PLSCR4: variants seen among roughly 807,000 people sequenced by gnomAD.
The protein encoded by PLSCR4 is Ca(2+)-dependent phospholipid scramblase 4.
Under a neutral mutation model 36.3 loss-of-function variants are expected in PLSCR4, and 25 were observed. That is an observed-to-expected ratio of 0.69 (90% CI 0.50 to 0.96). The LOEUF is 0.96. Among genes scored for constraint, PLSCR4 ranks in the 40% least tolerant of loss-of-function variants. The pLI is 0.00. For missense variants in PLSCR4, 408 were observed against 414.7 expected, an observed-to-expected ratio of 0.98 and a Z score of 0.14; for synonymous variants, 122 against 132.9, an observed-to-expected ratio of 0.92 and a Z score of 0.56.
intron 1 of PLSCR4, among the ~76,000 whole-genome samples, chr3:146,224,365 G>A (rs2035335777): frequency 6.6e-6 from 1 of 152,194 alleles, no homozygotes; most frequent in Admixed American, 6.5e-5. Context: ...AATCACTGGA[G>A]AATACATGTA....
At chr3:146,212,636 T>C (rs1449077738) in intron 3 of PLSCR4, among the ~76,000 whole-genome samples, 1 of 152,022 alleles carries the variant, frequency 6.6e-6, no homozygotes, top group East Asian at 1.9e-4. Flanking sequence ...ACTTTTTACA[T>C]ATATAGGCTC....
intron 7 of PLSCR4, among the ~76,000 whole-genome samples, chr3:146,195,933 CAT>C (rs1261841701): frequency 6.6e-6 from 1 of 152,090 alleles, no homozygotes; most frequent in Non-Finnish European, 1.5e-5. Flanking sequence ...TCTTGAGTAT[CAT>C]AGGAAACATA....
intron 1 of PLSCR4, among the ~76,000 whole-genome samples, chr3:146,228,673 C>CATAT (rs1427527979): frequency 6.6e-6 from 1 of 151,934 alleles, no homozygotes; most frequent in Non-Finnish European, 1.5e-5. Flanking sequence ...ATATTAATGA[C>CATAT]ATATTCCAAA....
intron 1 of PLSCR4, among the ~76,000 whole-genome samples, chr3:146,227,332 G>A (rs2035520098): frequency 6.6e-6 from 1 of 152,124 alleles, no homozygotes; most frequent in African/African-American, 2.4e-5. Flanking sequence ...AGAGAGAAAG[G>A]AGACATGGGC....
intron 1 of PLSCR4, among the ~76,000 whole-genome samples, chr3:146,239,382 A>C (rs1251739159): frequency 6.6e-6 from 1 of 152,192 alleles, no homozygotes; most frequent in Non-Finnish European, 1.5e-5. Context: ...GAATAGACAT[A>C]TAGACCAAAG....
At chr3:146,234,589 A>G (rs192414882) in intron 1 of PLSCR4, among the ~76,000 whole-genome samples, 1 of 152,236 alleles carries the variant, frequency 6.6e-6, no homozygotes, top group East Asian at 1.9e-4. Flanking sequence ...CTTGAATGCA[A>G]ATGAATTTGG....
chr3:146,227,453 T>C (rs2035524472), intron 1 of PLSCR4, among the ~76,000 whole-genome samples: 1 of 152,202 alleles, frequency 6.6e-6, no homozygotes, highest in South Asian at 2.1e-4. Context: ...TGCTATTATA[T>C]GGATATCACC....
Position 146,213,511 on chromosome 3 carries a change from T to C in PLSCR4, c.119-6750A>G, listed in dbSNP as rs1442702452. Among the ~76,000 whole-genome samples the C allele has an allele frequency of 2.0e-5, 3 of 151,914 alleles. No individual in the cohort carries two copies. In the South Asian group the frequency reaches 6.2e-4, roughly 31 times the overall value. On this transcript the variant is annotated intron_variant, in intron 3 of 8. Coordinates refer to ENST00000354952, the MANE Select transcript of PLSCR4 (RefSeq NM_020353.3). ...CTAATTTTTGTATTTTTAGTAGAGA[T>C]GGGATTTCGCCATGTTGGTCAGGCT...
At chr3:146,233,370 T>C (rs1254981978) in intron 1 of PLSCR4, among the ~76,000 whole-genome samples, 1 of 152,146 alleles carries the variant, frequency 6.6e-6, no homozygotes, top group Non-Finnish European at 1.5e-5. Context: ...AACAGTCATA[T>C]TTCAAAATTT....
chr3:146,193,462 A>C lies in PLSCR4; in HGVS notation c.*949T>G, dbSNP rs1017333230. 1 of 152,204 alleles carries C rather than the reference A, an allele frequency of 6.6e-6. No homozygotes were observed. Among genetic ancestry groups the C allele is most frequent in the Non-Finnish European group, 1.5e-5 (1 of 68,048 alleles). 9.4% of individuals were successfully genotyped at this position (152,204 alleles called of 1,614,324 possible). A position where few individuals can be genotyped will look rare whatever the true frequency, so the allele number is the denominator to read the frequency against. ...TCTTCTTGAAAAAAACAAAAACAAA[A>C]ACAAAAAACAATGATCTCTTCTGGG... On this transcript the variant is annotated 3_prime_UTR_variant, in exon 9 of 9. Transcript: ENST00000354952.
intron 3 of PLSCR4, among the ~76,000 whole-genome samples, chr3:146,217,202 C>T (rs1214996890): frequency 1.3e-5 from 2 of 152,156 alleles, no homozygotes; most frequent in African/African-American, 4.8e-5. Context: ...AAGTAATTGA[C>T]ATAATCATAG....
chr3:146,246,834 A>C (rs907849047), intron 1 of PLSCR4, among the ~76,000 whole-genome samples: 1 of 152,172 alleles, frequency 6.6e-6, no homozygotes, highest in South Asian at 2.1e-4. Flanking sequence ...ATGTGCAAAC[A>C]AACACAAATA....
At chr3:146,250,379 A>G (rs1353739301) in intron 1 of PLSCR4, among the ~76,000 whole-genome samples, 2 of 152,310 alleles carry the variant, frequency 1.3e-5, no homozygotes, top group African/African-American at 4.8e-5. Context: ...TCCTAAGAGA[A>G]GATAAGGCCA....
intron 3 of PLSCR4, among the ~76,000 whole-genome samples, chr3:146,220,123 AT>A: frequency 6.6e-6 from 1 of 152,202 alleles, no homozygotes; most frequent in Non-Finnish European, 1.5e-5. Context: ...TTTAAAGACA[AT>A]ACTAACTATT....
chr3:146,194,965 T>A (rs1274965570), intron 8 of PLSCR4, among the ~76,000 whole-genome samples, 159 bp downstream of exon 8: 2 of 152,162 alleles, frequency 1.3e-5, no homozygotes, highest in Admixed American at 6.5e-5. Flanking sequence ...ATGAGGAAAC[T>A]GAGGCTTTCA....
intron 3 of PLSCR4, among the ~76,000 whole-genome samples, chr3:146,212,442 T>G (rs559093938): frequency 6.9e-6 from 1 of 145,382 alleles, no homozygotes; most frequent in East Asian, 2.1e-4. Flanking sequence ...GTTTTGTTTT[T>G]TTTTGTTTTT....
At chr3:146,212,302 T>A (rs2108263075) in intron 3 of PLSCR4, among the ~76,000 whole-genome samples, 1 of 152,198 alleles carries the variant, frequency 6.6e-6, no homozygotes, top group African/African-American at 2.4e-5. Flanking sequence ...AATTATAATT[T>A]TAATTTCTTT....
At chr3:146,213,160 A>C (rs1199535070) in intron 3 of PLSCR4, among the ~76,000 whole-genome samples, 1 of 151,990 alleles carries the variant, frequency 6.6e-6, no homozygotes, top group Non-Finnish European at 1.5e-5. Flanking sequence ...TTCTATATTT[A>C]TTAGGGATAT....
chr3:146,233,110 A>G (rs1576489399), intron 1 of PLSCR4, among the ~76,000 whole-genome samples: 4 of 152,196 alleles, frequency 2.6e-5, no homozygotes, highest in South Asian at 4.1e-4. Context: ...TCATTAGTGA[A>G]TTTACATGGG....
Sources: allele counts gnomAD v4.1 joint callset (sites outside exome capture counted in the v4.1 genomes callset), GRCh38; gene constraint gnomAD v4.1.1; transcripts MANE v1.5; gene names NCBI Gene and HGNC (gene_info 2026-07-23, HGNC 2026-07-21).